CTCF: variants seen among roughly 807,000 people sequenced by gnomAD.
CTCF encodes CCCTC-binding factor.
CTCF carries 7 observed loss-of-function variants against 72.3 expected under a neutral mutation model. The observed-to-expected ratio is 0.10, with a 90% CI of 0.06 to 0.18. The LOEUF is 0.18. CTCF is among the 10% of genes least tolerant of loss of function. CTCF has a pLI of 1.00. For missense variants in CTCF, 516 were observed against 949.1 expected, an observed-to-expected ratio of 0.54 and a Z score of 6.00; for synonymous variants, 374 against 315.8, an observed-to-expected ratio of 1.18 and a Z score of -1.95.
chr16:67,615,729 C>T (rs1009384848), intron 4 of CTCF: 7 of 152,200 alleles, frequency 4.6e-5, no homozygotes, highest in South Asian at 2.1e-4. Context: ...TGTGCTTTAC[C>T]GTTAGATCCA....
chr16:67,593,233 T>C (rs1449962230), intron 2 of CTCF, among the ~76,000 whole-genome samples: 1 of 152,038 alleles, frequency 6.6e-6, no homozygotes, highest in Non-Finnish European at 1.5e-5. Context: ...TCCAAGTTTT[T>C]TTGTGTACAT....
At chr16:67,607,061 A>G (rs773608843) in intron 2 of CTCF, among the ~76,000 whole-genome samples, 4 of 149,798 alleles carry the variant, frequency 2.7e-5, no homozygotes, top group African/African-American at 4.9e-5. Context: ...GGTTCAAGCA[A>G]TTCTTCTGCC....
chr16:67,577,166 C>CCCA (rs747912056), intron 2 of CTCF, among the ~76,000 whole-genome samples: 9 of 151,826 alleles, frequency 5.9e-5, no homozygotes, highest in Non-Finnish European at 1.2e-4. Context: ...CACCTGTAAT[C>CCCA]CCAGCACTTC....
chr16:67,584,097 C>T (rs1009813606), intron 2 of CTCF, among the ~76,000 whole-genome samples: 1 of 151,906 alleles, frequency 6.6e-6, no homozygotes, highest in Non-Finnish European at 1.5e-5. Context: ...TTCAGCTGGG[C>T]GCAGTGGCTC....
chr16:67,633,868 C>A (rs910483842), intron 10 of CTCF, among the ~76,000 whole-genome samples: 1 of 152,092 alleles, frequency 6.6e-6, no homozygotes, highest in Non-Finnish European at 1.5e-5. Context: ...AGCAGAACCA[C>A]ATCTCCAAGG....
At chr16:67,614,521 A>T (rs974416926) in intron 4 of CTCF, 1 of 151,716 alleles carries the variant, frequency 6.6e-6, no homozygotes, top group African/African-American at 2.4e-5. Flanking sequence ...ACATGATGAA[A>T]CCTCATCTCC....
Position 67,620,796 on chromosome 16 carries a change from A to C in CTCF, c.1186A>C (p.Arg396=). ...YASRDTYKLK[R]HMRTHSGEKP... ...CAGCAGGGACACATACAAGCTGAAA[A>C]GGCACATGAGAACCCATTCAGGTAG... The change falls in exon 6 of 12, where the codon AGG becomes CGG. Residue 396 remains arginine, a synonymous_variant. Coordinates refer to ENST00000264010, the MANE Select transcript of CTCF (RefSeq NM_006565.4). 1.9e-6 allele frequency: 3 copies of C among 1,597,754 alleles called. No individual in the cohort carries two copies. Among genetic ancestry groups the C allele is most frequent in the Non-Finnish European group, 2.6e-6 (3 of 1,167,864 alleles).
chr16:67,581,196 G>C (rs547235731), intron 2 of CTCF, among the ~76,000 whole-genome samples: 3 of 152,302 alleles, frequency 2.0e-5, no homozygotes, highest in Non-Finnish European at 4.4e-5. Flanking sequence ...CCAGAGTGCT[G>C]GGATTACAGG....
rs550066499 is a variant in CTCF, at chr16:67,571,552, T to C, written c.-10+288T>C. On this transcript the variant is annotated intron_variant, in intron 2 of 11. Transcript: ENST00000264010. ...TATTCTCCGTTAATGAGAATGTGTT[T>C]TGTAAAGCTTTAAGTACTATTCTGA... 3.3e-5 allele frequency among the ~76,000 whole-genome samples: 5 copies of C among 152,330 alleles called. No individual in the cohort carries two copies. The South Asian group carries it at 8.3e-4, about 25-fold the overall frequency.
chr16:67,633,701 G>A (rs758357439), intron 10 of CTCF, among the ~76,000 whole-genome samples: 7 of 151,554 alleles, frequency 4.6e-5, no homozygotes, highest in African/African-American at 1.7e-4. Flanking sequence ...AGCTATGACC[G>A]CACCAGTGCA....
rs909657424 is a variant in CTCF at position 67,639,015 on chromosome 16, G to A, written c.*1143G>A. 1 of 203,526 alleles carries A rather than the reference G, an allele frequency of 4.9e-6. No homozygotes were observed. The highest frequency in any genetic ancestry group is 2.3e-5 in the African/African-American group (1 of 43,634). 12.6% of individuals were successfully genotyped at this position (203,526 alleles called of 1,614,324 possible). ...TAAGAGAGCCATCAGTTAGCTATCA[G>A]ACTCTAGGTTGATGCATTTTGTACT... On this transcript the variant is annotated 3_prime_UTR_variant, in exon 12 of 12. Coordinates refer to ENST00000264010, the MANE Select transcript of CTCF (RefSeq NM_006565.4).
At chr16:67,605,040 T>C (rs1254071677) in intron 2 of CTCF, among the ~76,000 whole-genome samples, 1 of 138,106 alleles carries the variant, frequency 7.2e-6, no homozygotes, top group Non-Finnish European at 1.5e-5. Flanking sequence ...TGGCGCAATC[T>C]CGGCTCATGG....
chr16:67,600,590 G>A (rs2051873489), intron 2 of CTCF, among the ~76,000 whole-genome samples: 1 of 152,076 alleles, frequency 6.6e-6, no homozygotes, highest in African/African-American at 2.4e-5. Context: ...TGTTGCCTGT[G>A]CTGGGCTTGA....
intron 1 of CTCF, chr16:67,568,155 C>A (rs1044998939): frequency 1.3e-5 from 2 of 151,830 alleles, no homozygotes; most frequent in African/African-American, 4.8e-5. Context: ...TCTGGGCTCA[C>A]TGCAACCCCG....
At chr16:67,620,433 C>T (rs2052186010) in intron 5 of CTCF, among the ~76,000 whole-genome samples, 1 of 152,180 alleles carries the variant, frequency 6.6e-6, no homozygotes, top group Admixed American at 6.5e-5. Flanking sequence ...CTCCTGACCT[C>T]AGATGATCTG....
intron 2 of CTCF, among the ~76,000 whole-genome samples, chr16:67,606,620 C>T (rs1217983765): frequency 2.6e-5 from 4 of 152,138 alleles, no homozygotes; most frequent in Non-Finnish European, 1.5e-5. Flanking sequence ...TCTCTGACTG[C>T]TATCATGGAT....
At chr16:67,573,309 A>T (rs766288684) in intron 2 of CTCF, among the ~76,000 whole-genome samples, 1 of 151,644 alleles carries the variant, frequency 6.6e-6, no homozygotes, top group Non-Finnish European at 1.5e-5. Flanking sequence ...CGTGCCTGTA[A>T]TCCCAACTAC....
intron 5 of CTCF, among the ~76,000 whole-genome samples, chr16:67,619,890 G>A (rs2052180104): frequency 6.6e-6 from 1 of 152,044 alleles, no homozygotes; most frequent in Admixed American, 6.6e-5. Flanking sequence ...TGCCCTCAAA[G>A]CACTTCATAG....
At chr16:67,595,505 A>G (rs1326898083) in intron 2 of CTCF, among the ~76,000 whole-genome samples, 1 of 152,202 alleles carries the variant, frequency 6.6e-6, no homozygotes, top group East Asian at 1.9e-4. Context: ...TTAGAAAGCT[A>G]AGAAGCCAAA....
Sources: allele counts gnomAD v4.1 joint callset (sites outside exome capture counted in the v4.1 genomes callset), GRCh38; gene constraint gnomAD v4.1.1; transcripts MANE v1.5; gene names NCBI Gene and HGNC (gene_info 2026-07-23, HGNC 2026-07-21).